Variants in CEP44 observed in about 807,000 individuals in gnomAD.
CEP44 encodes centrosomal protein of 44 kDa.
In CEP44, 45 loss-of-function variants were observed where a neutral mutation model predicts 46.7. That is an observed-to-expected ratio of 0.96 (90% CI 0.76 to 1.24). The LOEUF (loss-of-function observed/expected upper bound fraction) is 1.24. Among genes scored for constraint, CEP44 ranks in the 50% most tolerant of loss-of-function variants. The probability of loss-of-function intolerance (pLI) is 0.00; values close to 1 mark genes in which losing one functional copy is unlikely to be tolerated. For synonymous variants in CEP44, 142 were observed against 146.0 expected, an observed-to-expected ratio of 0.97 and a Z score of 0.20; for missense variants, 475 against 459.7, an observed-to-expected ratio of 1.03 and a Z score of -0.30.
downstream of CEP44, among the ~76,000 whole-genome samples, chr4:174,324,792 T>A (rs1427242492): frequency 1.3e-5 from 2 of 152,100 alleles, no homozygotes. Flanking sequence ...GTGAAATTGT[T>A]CCAAGAAACC....
At position 174,299,163 on chromosome 4, in the gene CEP44, A is replaced by AATT; in HGVS notation, c.42_43insATT (p.Glu14_Gln15insIle). On this transcript the variant is annotated inframe_insertion, in exon 3 of 12. Transcript: ENST00000503780. ...TAAAAAGAAGCTTACGGAACCTAGA[A>AATT]CAGGTGCTCCGCTTGCTAAATTATC... 6.2e-7 allele frequency: 1 copy of AATT among 1,613,846 alleles called. No individual in the cohort carries two copies. The highest frequency in any genetic ancestry group is 8.5e-7 in the Non-Finnish European group (1 of 1,179,780).
chr4:174,307,148 A>C (rs976854269), intron 6 of CEP44, among the ~76,000 whole-genome samples: 1 of 152,192 alleles, frequency 6.6e-6, no homozygotes, highest in African/African-American at 2.4e-5. Context: ...AGACCCAAAT[A>C]GCCAAGGCAA....
chr4:174,316,999 C>G (rs1741806667), intron 11 of CEP44, among the ~76,000 whole-genome samples: 1 of 151,466 alleles, frequency 6.6e-6, no homozygotes, highest in Non-Finnish European at 1.5e-5. Flanking sequence ...ATGTTTTTGT[C>G]TAGTACAAAT....
At chr4:174,300,674 A>G (rs1739604844) in intron 3 of CEP44, among the ~76,000 whole-genome samples, 1 of 152,074 alleles carries the variant, frequency 6.6e-6, no homozygotes, top group South Asian at 2.1e-4. Flanking sequence ...AGGCACTCAG[A>G]TTGCTAGTCT....
In CEP44 at chr4:174,303,806, A is replaced by G; in HGVS notation, c.341A>G (p.Asn114Ser). 6.4e-7 allele frequency: 1 copy of G among 1,574,556 alleles called. No homozygotes were observed. The highest frequency in any genetic ancestry group is 8.7e-7 in the Non-Finnish European group (1 of 1,150,582). ...ATCCAAATTGTTTGTGATATTTTGA[A>G]TTGTGTGATGAAAAAGCACAAGGAA... ...WKIQIVCDILNCVMKKHKELS... is the reference protein window; with the variant it reads ...WKIQIVCDILSCVMKKHKELS... Residue 114 changes from asparagine to serine, a missense_variant, in exon 5 of 12, where the codon AAT becomes AGT. Coordinates refer to ENST00000503780, the MANE Select transcript of CEP44 (RefSeq NM_001040157.3).
rs1372363176 is a variant in CEP44 at position 174,302,136 on chromosome 4, G to A, written c.187G>A (p.Val63Ile). ...YVTELIMESN[V>I]ELIAKNDLRF... ...AACAGAACTTATAATGGAATCCAATGTAGAGCTCATAGCAAAAAATGACTT... is the reference window on the plus strand; with the variant it reads ...AACAGAACTTATAATGGAATCCAATATAGAGCTCATAGCAAAAAATGACTT... Residue 63 changes from valine to isoleucine, a missense_variant, in exon 4 of 12, where the codon GTA (valine) becomes ATA (isoleucine). Physicochemically the swap from Val to Ile is conservative, Grantham distance 29. Coordinates refer to ENST00000503780, the MANE Select transcript of CEP44 (RefSeq NM_001040157.3). 6.2e-7 allele frequency: 1 copy of A among 1,610,666 alleles called. No individual in the cohort carries two copies. The highest frequency in any genetic ancestry group is 1.1e-5 in the South Asian group (1 of 90,242).
chr4:174,309,859 GTTAATCC>G lies in CEP44; in HGVS notation c.690_696del (p.Asn231ArgfsTer19), dbSNP rs1740866558. The G allele has an allele frequency of 6.3e-7, 1 of 1,599,822 alleles. No homozygotes were observed. The highest frequency in any genetic ancestry group is 1.3e-5 in the African/African-American group (1 of 74,522). On this transcript the variant is annotated frameshift_variant, in exon 8 of 12. Transcript: ENST00000503780. LOFTEE classifies it high-confidence loss of function. This position sits in a 1 kb window ranked among gnomAD's most constrained non-coding sequence, Gnocchi z 5.3. ...TCTCTAACCTTTTTAGGATGTAAATGTTAATCCTGAGATTACTGCACTACAAACTATG... is the reference window on the plus strand; with the variant it reads ...TCTCTAACCTTTTTAGGATGTAAATGTGAGATTACTGCACTACAAACTATG...
At chr4:174,295,040 C>G (rs1255852958) in intron 1 of CEP44, among the ~76,000 whole-genome samples, 3 of 142,478 alleles carry the variant, frequency 2.1e-5, no homozygotes, top group Admixed American at 1.4e-4. Context: ...CTGACCCCCC[C>G]ACCTCCCTCC....
rs768563272 is a variant in CEP44 at position 174,310,739 on chromosome 4, TTTTC to T, written c.886-40_886-37del. On this transcript the variant is annotated intron_variant, in intron 8 of 11. Coordinates refer to ENST00000503780, the MANE Select transcript of CEP44 (RefSeq NM_001040157.3). The surrounding 1 kb of genome is among the most constrained non-coding windows in gnomAD (Gnocchi z 4.2). The stretch of plus-strand genomic sequence containing the variant: ...CATTAAGAATATAAAATGAGAGGGT[TTTTC>T]TTTTTATTTCATTCTAAATATTTAA... 2.5e-5 allele frequency: 23 copies of T among 916,380 alleles called. No individual in the cohort carries two copies. In the Admixed American group the frequency reaches 3.1e-4, roughly 12 times the overall value. The allele number at this position is 916,380 out of a possible 1,614,324, so 56.8% of individuals were successfully genotyped here.
In CEP44 at chr4:174,318,097, G is replaced by C. The variant is rs936159719; in HGVS notation, c.*714G>C. On this transcript the variant is annotated 3_prime_UTR_variant, in exon 12 of 12. Coordinates refer to ENST00000503780, the MANE Select transcript of CEP44 (RefSeq NM_001040157.3). ...TTGGAGGGGGGGATGGAGTTTCGCT[G>C]TTGTTGCCCAGGCTGGAGTGCAATA... 1.0e-6 allele frequency: 1 copy of C among 980,764 alleles called. No individual in the cohort carries two copies. Among genetic ancestry groups the C allele is most frequent in the African/African-American group, 1.8e-5 (1 of 57,118 alleles). The allele number at this position is 980,764 out of a possible 1,614,324, so 60.8% of individuals were successfully genotyped here.
intron 5 of CEP44, 120 bp downstream of exon 5, chr4:174,303,969 T>A (rs766971082): frequency 2.6e-6 from 2 of 761,630 alleles, no homozygotes; most frequent in African/African-American, 3.6e-5. Flanking sequence ...ACTGTATTAT[T>A]CAAAGATTTG....
intron 6 of CEP44, among the ~76,000 whole-genome samples, chr4:174,306,074 A>C (rs1016607886): frequency 1.3e-5 from 2 of 152,188 alleles, no homozygotes; most frequent in Non-Finnish European, 2.9e-5. Flanking sequence ...AGTCAATATT[A>C]AAGCAAATTG....
intron 1 of CEP44, among the ~76,000 whole-genome samples, chr4:174,291,258 A>G (rs1027144575): frequency 2.0e-5 from 3 of 151,846 alleles, no homozygotes; most frequent in African/African-American, 7.3e-5. Flanking sequence ...TGATGATTGT[A>G]GTAGAATGCT....
At position 174,319,782 on chromosome 4, in the gene CEP44, C is replaced by A. The variant is rs199572693; in HGVS notation, c.*2399C>A. On this transcript the variant is annotated 3_prime_UTR_variant, in exon 12 of 12. Transcript: ENST00000503780. Reference sequence around the variant, plus strand: ...ATTTACACTTACAAAGAGTCTTTATCTAGACAACATAATTTTTGGAAAAAT... The same window carrying A: ...ATTTACACTTACAAAGAGTCTTTATATAGACAACATAATTTTTGGAAAAAT... 2.4e-6 allele frequency: 1 copy of A among 422,568 alleles called. No individual in the cohort carries two copies. Among genetic ancestry groups the A allele is most frequent in the South Asian group, 8.4e-5 (1 of 11,908 alleles). 26.2% of individuals were successfully genotyped at this position (422,568 alleles called of 1,614,324 possible). A position where few individuals can be genotyped will look rare whatever the true frequency, so the allele number is the denominator to read the frequency against.
At chr4:174,300,174 T>C (rs1739551179) in intron 3 of CEP44, among the ~76,000 whole-genome samples, 1 of 152,172 alleles carries the variant, frequency 6.6e-6, no homozygotes, top group South Asian at 2.1e-4. Context: ...TAAGAATGGA[T>C]ATCCATATAA....
chr4:174,295,246 C>T (rs1308573369), intron 1 of CEP44, among the ~76,000 whole-genome samples: 119 of 150,370 alleles, frequency 7.9e-4, no homozygotes, highest in African/African-American at 2.8e-3. Context: ...GGTTGCCAGG[C>T]GGAGGGTCTC....
intron 6 of CEP44, among the ~76,000 whole-genome samples, chr4:174,304,883 T>G (rs1169422489): frequency 6.6e-6 from 1 of 152,250 alleles, no homozygotes; most frequent in Non-Finnish European, 1.5e-5. Flanking sequence ...TCTGCCATTA[T>G]CTGCTTTGAG....
chr4:174,324,474 T>C (rs910576871), downstream of CEP44, among the ~76,000 whole-genome samples: 6 of 152,160 alleles, frequency 3.9e-5, no homozygotes, highest in African/African-American at 1.4e-4. Context: ...CAAACTCTTT[T>C]CCAAACTGGC....
At chr4:174,294,245 C>G (rs1389315881) in intron 1 of CEP44, among the ~76,000 whole-genome samples, 2 of 151,258 alleles carry the variant, frequency 1.3e-5, no homozygotes, top group Non-Finnish European at 3.0e-5. Context: ...GGTGATGACT[C>G]TTAACGAGCA....
Sources: gnomAD v4.1 joint callset for allele counts (sites outside exome capture counted in the v4.1 genomes callset) on GRCh38, gnomAD v4.1.1 for gene constraint, Gnocchi (gnomAD v3.1) non-coding constraint, MANE v1.5 for transcripts, NCBI Gene and HGNC (gene_info 2026-07-23, HGNC 2026-07-21) for gene names.